Variants in ZMYND19 observed in about 807,000 individuals in gnomAD.
ZMYND19 encodes zinc finger MYND domain-containing protein 19.
Under a neutral mutation model 32.0 loss-of-function variants are expected in ZMYND19, and 17 were observed. The observed-to-expected ratio is 0.53, with a 90% CI of 0.36 to 0.80. The LOEUF (loss-of-function observed/expected upper bound fraction) is 0.80, where lower values mean the gene tolerates loss of function less well. Among genes scored for constraint, ZMYND19 ranks in the 30% least tolerant of loss-of-function variants. ZMYND19 has a pLI of 0.00. For synonymous variants in ZMYND19, 124 were observed against 113.6 expected (o/e 1.09, Z -0.58); for missense variants, 250 against 293.6 (o/e 0.85, Z 1.09).
intron 4 of ZMYND19, among the ~76,000 whole-genome samples, chr9:137,585,441 A>T (rs933401348): frequency 6.7e-6 from 1 of 149,792 alleles, no homozygotes; most frequent in Non-Finnish European, 1.5e-5. Flanking sequence ...AAAAATGCTG[A>T]GGCAAGAGGA....
rs1842152591 is a variant in ZMYND19, at chr9:137,582,081, T to C, written c.*462A>G. 1 of 155,180 alleles carries C rather than the reference T, an allele frequency of 6.4e-6. No homozygotes were observed. The highest frequency in any genetic ancestry group is 1.9e-4 in the East Asian group (1 of 5,242). 9.6% of individuals were successfully genotyped at this position (155,180 alleles called of 1,614,324 possible). A position where few individuals can be genotyped will look rare whatever the true frequency, so the allele number is the denominator to read the frequency against. On this transcript the variant is annotated 3_prime_UTR_variant, in exon 6 of 6. Transcript: ENST00000298585. ...AGCAGAGAATGTCCGAGAGGCCAGATGATTCCACCCCTTTACTTTGCCTTT... is the reference window on the plus strand; with the variant it reads ...AGCAGAGAATGTCCGAGAGGCCAGACGATTCCACCCCTTTACTTTGCCTTT...
intron 3 of ZMYND19, 164 bp from the exon 4 acceptor site, chr9:137,587,271 TGA>T: frequency 8.4e-7 from 1 of 1,193,526 alleles, no homozygotes. Flanking sequence ...CGGAAGCTGC[TGA>T]GAGAAACCCA....
intron 4 of ZMYND19, 70 bp downstream of exon 4, chr9:137,586,897 C>T: frequency 6.3e-7 from 1 of 1,595,356 alleles, no homozygotes; most frequent in Non-Finnish European, 8.5e-7. Context: ...CTCTTGGAAA[C>T]AAGAGCTTTG....
chr9:137,588,792 C>G (rs1025750409), intron 1 of ZMYND19, 74 bp from the exon 2 acceptor site: 1 of 1,558,972 alleles, frequency 6.4e-7, no homozygotes, highest in Non-Finnish European at 8.8e-7. Context: ...ATAACCAGAA[C>G]AGGCAGGAGC....
At chr9:137,588,569 CT>C in intron 2 of ZMYND19, 89 bp downstream of exon 2, 1 of 1,474,320 alleles carries the variant, frequency 6.8e-7, no homozygotes, top group Non-Finnish European at 9.4e-7. Flanking sequence ...GCCGCCTGCT[CT>C]TGCAGCACAG....
chr9:137,583,639 T>C (rs1181837130), intron 4 of ZMYND19, among the ~76,000 whole-genome samples: 2 of 152,234 alleles, frequency 1.3e-5, no homozygotes, highest in African/African-American at 4.8e-5. Context: ...GCATGTGCAC[T>C]GGCTGCTCAG....
chr9:137,585,861 A>G (rs1300021812), intron 4 of ZMYND19, among the ~76,000 whole-genome samples: 2 of 152,256 alleles, frequency 1.3e-5, no homozygotes, highest in Non-Finnish European at 2.9e-5. Flanking sequence ...GTTGCTGACA[A>G]CCATCTGCTA....
chr9:137,588,527 T>C, intron 2 of ZMYND19, 132 bp downstream of exon 2: 1 of 1,004,294 alleles, frequency 1.0e-6, no homozygotes, highest in Non-Finnish European at 1.5e-6. Context: ...GGCTCAGGGC[T>C]CACAGGCCAG....
At chr9:137,583,251 T>A in intron 4 of ZMYND19, 88 bp from the exon 5 acceptor site, 1 of 1,472,448 alleles carries the variant, frequency 6.8e-7, no homozygotes. Flanking sequence ...TAGAGTGCCA[T>A]CCTGCCCAGG....
In ZMYND19 at chr9:137,587,130, G is replaced by T; in HGVS notation, c.219-23C>A. 3 of 1,599,618 alleles carry T rather than the reference G, an allele frequency of 1.9e-6. No homozygotes were observed. The South Asian group carries it at 3.3e-5, about 18-fold the overall frequency. ...TCCCTAGAAACAGACAGCAAACCCT[G>T]CATCTAACCCTGCATCGCTGCCTCC... is the stretch of plus-strand genomic sequence containing the variant. On this transcript the variant is annotated intron_variant, in intron 3 of 5. Coordinates refer to ENST00000298585, the MANE Select transcript of ZMYND19 (RefSeq NM_138462.3).
chr9:137,582,390 C>T lies in ZMYND19; in HGVS notation c.*153G>A, dbSNP rs1842156404. On this transcript the variant is annotated 3_prime_UTR_variant, in exon 6 of 6. Transcript: ENST00000298585. ...GATGAACACTGAGGGGCGCTGTAAC[C>T]ACACAGACTGCCTGTGACATCGGGA... The T allele has an allele frequency of 3.6e-6, 4 of 1,110,342 alleles. No individual in the cohort carries two copies. In the Admixed American group the frequency reaches 1.1e-4, roughly 30 times the overall value. 68.8% of individuals were successfully genotyped at this position (1,110,342 alleles called of 1,614,324 possible).
intron 4 of ZMYND19, among the ~76,000 whole-genome samples, chr9:137,584,334 A>G (rs984073825): frequency 6.6e-6 from 1 of 152,242 alleles, no homozygotes; most frequent in African/African-American, 2.4e-5. Flanking sequence ...GTGCCCTCAG[A>G]GAATGGGCAT....
At chr9:137,587,628 G>T in intron 3 of ZMYND19, 89 bp downstream of exon 3, 1 of 1,135,888 alleles carries the variant, frequency 8.8e-7, no homozygotes, top group Non-Finnish European at 1.3e-6. Flanking sequence ...CAGGGCTTCA[G>T]CGGGGCAGGG....
At chr9:137,588,803 C>T in intron 1 of ZMYND19, 85 bp from the exon 2 acceptor site, 2 of 1,522,284 alleles carry the variant, frequency 1.3e-6, no homozygotes, top group East Asian at 2.3e-5. Flanking sequence ...AGGCAGGAGC[C>T]TGTTGCATTT....
chr9:137,583,306 A>G lies in ZMYND19; in HGVS notation c.360-143T>C, dbSNP rs895282183. 1.7e-5 allele frequency: 14 copies of G among 843,096 alleles called. No individual in the cohort carries two copies. In the Admixed American group the frequency reaches 2.1e-4, roughly 13 times the overall value. The allele number at this position is 843,096 out of a possible 1,614,324, so 52.2% of individuals were successfully genotyped here. Reference sequence around the variant, plus strand: ...GTCTCCTTTGGCCCATCCCTGCTGCATGTGCTTTTCACCACCTGACAGTAA... The same window carrying G: ...GTCTCCTTTGGCCCATCCCTGCTGCGTGTGCTTTTCACCACCTGACAGTAA... On this transcript the variant is annotated intron_variant, in intron 4 of 5. Transcript: ENST00000298585.
At position 137,582,597 on chromosome 9, in the gene ZMYND19, C is replaced by A; in HGVS notation, c.630G>T (p.Lys210Asn). ...AGGGACGCTTCCTCTCCCGACAGTG[C>A]TTCTTGTGGGCAGGCCAGTCCTTCT... ...CQQKDWPAHK[K>N]HCRERKRPFQ... is the part of the protein sequence containing the mutation. Residue 210 changes from lysine (K) to asparagine (N), a missense_variant, in exon 6 of 6, where the codon AAG becomes AAT. By Grantham distance (94) the Lys-to-Asn change is moderately conservative. Coordinates refer to ENST00000298585, the MANE Select transcript of ZMYND19 (RefSeq NM_138462.3). The A allele has an allele frequency of 6.2e-7, 1 of 1,613,634 alleles. No individual in the cohort carries two copies. The highest frequency in any genetic ancestry group is 8.5e-7 in the Non-Finnish European group (1 of 1,180,036).
chr9:137,582,178 G>A lies in ZMYND19; in HGVS notation c.*365C>T, dbSNP rs1425975796. The A allele has an allele frequency of 5.5e-6, 1 of 183,328 alleles. No homozygotes were observed. The highest frequency in any genetic ancestry group is 2.4e-5 in the African/African-American group (1 of 42,300). The allele number at this position is 183,328 out of a possible 1,614,324, so 11.4% of individuals were successfully genotyped here. The stretch of plus-strand genomic sequence containing the variant: ...GCCCAGGGGAGAAGCTTCGACAACA[G>A]GACAGTTTTTAGTCACGTGGCCTGA... On this transcript the variant is annotated 3_prime_UTR_variant, in exon 6 of 6. Transcript: ENST00000298585.
chr9:137,583,588 G>T (rs1274079705), intron 4 of ZMYND19, among the ~76,000 whole-genome samples: 1 of 144,432 alleles, frequency 6.9e-6, no homozygotes, highest in Non-Finnish European at 1.5e-5. Context: ...TAGGCCAGAT[G>T]CCTACAACGG....
chr9:137,587,675 G>A (rs375934264), intron 3 of ZMYND19, 42 bp downstream of exon 3: 2 of 1,582,948 alleles, frequency 1.3e-6, no homozygotes, highest in South Asian at 1.1e-5. Flanking sequence ...GCTCACCCAG[G>A]AGCCCAGTGG....
Sources: allele counts gnomAD v4.1 joint callset (sites outside exome capture counted in the v4.1 genomes callset), GRCh38; gene constraint gnomAD v4.1.1; transcripts MANE v1.5; gene names NCBI Gene and HGNC (gene_info 2026-07-23, HGNC 2026-07-21).